Variants in MLIP observed in about 807,000 individuals in gnomAD.
The protein encoded by MLIP is muscular LMNA interacting protein.
In MLIP, 79 loss-of-function variants were observed where a neutral mutation model predicts 84.8. The ratio of observed to expected loss-of-function variants is 0.93; its 90% CI spans 0.78 to 1.12. The LOEUF is 1.12. Among genes scored for constraint, MLIP ranks in the 50% most tolerant of loss-of-function variants. The pLI is 0.00. For missense variants in MLIP, 1,257 were observed against 1,160.6 expected, an observed-to-expected ratio of 1.08 and a Z score of -1.21; for synonymous variants, 504 against 463.0, an observed-to-expected ratio of 1.09 and a Z score of -1.14.
chr6:54,190,796 C>CTTT (rs1234496431), intron 10 of MLIP, among the ~76,000 whole-genome samples: 4 of 133,716 alleles, frequency 3.0e-5, no homozygotes, highest in African/African-American at 5.5e-5. Context: ...CAAAGATTTT[C>CTTT]TTTTTTTTTT....
At chr6:54,227,537 G>A (rs1245666495) in intron 11 of MLIP, among the ~76,000 whole-genome samples, 1 of 152,160 alleles carries the variant, frequency 6.6e-6, no homozygotes, top group Non-Finnish European at 1.5e-5. Flanking sequence ...AGCGCATACT[G>A]GGGTATTTTC....
At chr6:54,038,141 G>A (rs539009574) in intron 1 of MLIP, among the ~76,000 whole-genome samples, 1 of 151,904 alleles carries the variant, frequency 6.6e-6, no homozygotes, top group Non-Finnish European at 1.5e-5. Flanking sequence ...AGACTATTCA[G>A]TATGCCCTCT....
In MLIP at chr6:54,065,766, C is replaced by T. The variant is rs551898179; in HGVS notation, c.63+46675C>T. ...TCACCCTAGGCCACCTCTGACTTTC[C>T]TAGTCAATACAAATTTTCATTCACT... On this transcript the variant is annotated intron_variant, in intron 1 of 12. Coordinates refer to the MLIP transcript ENST00000274897. 1.2e-3 allele frequency among the ~76,000 whole-genome samples: 116 copies of T among 99,356 alleles called. 12 individuals are homozygous for T. Among genetic ancestry groups the T allele is most frequent in the African/African-American group, 2.8e-3 (111 of 39,076 alleles). 65.2% of individuals were successfully genotyped at this position (99,356 alleles called of 152,430 possible).
At chr6:54,182,210 C>T (rs1776947192) in intron 9 of MLIP, among the ~76,000 whole-genome samples, 1 of 152,178 alleles carries the variant, frequency 6.6e-6, no homozygotes, top group Admixed American at 6.5e-5. Flanking sequence ...GGCAGTTCCC[C>T]TCTGTATAGG....
chr6:54,200,618 T>C (rs75194095), intron 10 of MLIP, among the ~76,000 whole-genome samples: 1 of 14,398 alleles, frequency 6.9e-5, no homozygotes, highest in African/African-American at 1.1e-4. Context: ...TTTTTTTTTT[T>C]TTTTTTTTTT....
intron 9 of MLIP, among the ~76,000 whole-genome samples, chr6:54,185,737 C>T (rs1451537483): frequency 1.3e-5 from 2 of 151,592 alleles, no homozygotes; most frequent in Admixed American, 6.6e-5. Flanking sequence ...ATTCATTTAA[C>T]TTAGGGGATC....
chr6:54,170,508 T>C (rs1150881), intron 9 of MLIP, among the ~76,000 whole-genome samples: 146,843 of 151,474 alleles, frequency 0.97, 71,347 homozygotes, highest in East Asian at 1. Flanking sequence ...CTGGAAGTTT[T>C]GCTGTTATTT....
At chr6:54,024,243 C>T (rs541463917) in intron 1 of MLIP, among the ~76,000 whole-genome samples, 73 of 152,288 alleles carry the variant, frequency 4.8e-4, no homozygotes, top group African/African-American at 1.4e-3. Context: ...AACTCCTGAC[C>T]TCAGGTAATT....
intron 8 of MLIP, among the ~76,000 whole-genome samples, chr6:54,165,400 A>G (rs1158385763): frequency 6.6e-6 from 1 of 151,920 alleles, no homozygotes; most frequent in Non-Finnish European, 1.5e-5. Flanking sequence ...GTTGAAACCT[A>G]TAGTTAACTA....
chr6:54,140,750 A>G (rs1772223857), intron 4 of MLIP, among the ~76,000 whole-genome samples: 1 of 152,160 alleles, frequency 6.6e-6, no homozygotes, highest in South Asian at 2.1e-4. Context: ...ATTAAAATGG[A>G]TGTGGAATAG....
At chr6:54,098,051 G>A (rs1768340988) in intron 1 of MLIP, among the ~76,000 whole-genome samples, 1 of 152,042 alleles carries the variant, frequency 6.6e-6, no homozygotes, top group Non-Finnish European at 1.5e-5. Context: ...CTGAAACCAT[G>A]AGAGTAGAGA....
intron 1 of MLIP, among the ~76,000 whole-genome samples, chr6:54,121,202 A>G (rs935245152): frequency 6.6e-6 from 1 of 152,186 alleles, no homozygotes; most frequent in African/African-American, 2.4e-5. Flanking sequence ...CTGCTGTTTT[A>G]TGCCATCCCC....
chr6:54,110,372 A>AG (rs1249397586), upstream of MLIP, among the ~76,000 whole-genome samples: 1 of 152,038 alleles, frequency 6.6e-6, no homozygotes, highest in African/African-American at 2.4e-5. Flanking sequence ...TAGCTTTTTG[A>AG]GGGCAAGAGG....
intron 1 of MLIP, among the ~76,000 whole-genome samples, chr6:54,036,239 C>CT (rs1268719515): frequency 1.7e-5 from 1 of 57,284 alleles, no homozygotes; most frequent in East Asian, 6.0e-4. Context: ...TTAGTCACCA[C>CT]TGTTTTTTTT....
At chr6:54,090,202 G>A (rs1255408148) in intron 1 of MLIP, among the ~76,000 whole-genome samples, 1 of 152,020 alleles carries the variant, frequency 6.6e-6, no homozygotes, top group Non-Finnish European at 1.5e-5. Context: ...GTGAGATTTA[G>A]GCTTTCTTCT....
intron 1 of MLIP, among the ~76,000 whole-genome samples, chr6:54,119,626 C>T (rs924138131): frequency 6.6e-6 from 1 of 152,050 alleles, no homozygotes; most frequent in African/African-American, 2.4e-5. Flanking sequence ...ATCTATTGTA[C>T]AGCATGGTGA....
intron 1 of MLIP, among the ~76,000 whole-genome samples, chr6:54,038,876 CAT>C (rs1353671903): frequency 2.0e-5 from 3 of 152,014 alleles, no homozygotes; most frequent in South Asian, 4.1e-4. Context: ...TATTTTATCA[CAT>C]GTGTAAGTAA....
In MLIP at chr6:54,077,858, T is replaced by C. The variant is rs1325419749; in HGVS notation, c.64-43589T>C. On this transcript the variant is annotated intron_variant, in intron 1 of 12. Transcript: ENST00000274897. ...AAGATATGTGTTTTCTTGCCAGACA[T>C]ATAGTTGAATTATTTAAACTATTAT... Among the ~76,000 whole-genome samples, 9 of 152,356 alleles carry C rather than the reference T, an allele frequency of 5.9e-5. No individual in the cohort carries two copies. The South Asian group carries it at 1.9e-3, about 32-fold the overall frequency.
At chr6:54,041,427 C>A (rs1170236869) in intron 1 of MLIP, among the ~76,000 whole-genome samples, 1 of 152,012 alleles carries the variant, frequency 6.6e-6, no homozygotes, top group East Asian at 1.9e-4. Flanking sequence ...CCTTCCATTT[C>A]CAGGGTAAAT....
Sources: gnomAD v4.1 joint callset for allele counts (sites outside exome capture counted in the v4.1 genomes callset) on GRCh38, gnomAD v4.1.1 for gene constraint, MANE v1.5 for transcripts, NCBI Gene and HGNC (gene_info 2026-07-23, HGNC 2026-07-21) for gene names.